HECW2: variants seen among roughly 807,000 people sequenced by gnomAD.
HECW2 encodes E3 ubiquitin-protein ligase HECW2.
In HECW2, 61 loss-of-function variants were observed where a neutral mutation model predicts 175.2. That is an observed-to-expected ratio of 0.35 (90% confidence interval 0.28 to 0.43). The LOEUF is 0.43. Ranked by LOEUF, HECW2 falls within the 20% of genes least tolerant of loss-of-function variation. HECW2 has a pLI of 1.00. For synonymous variants in HECW2, 671 were observed against 731.0 expected, an observed-to-expected ratio of 0.92 and a Z score of 1.32; for missense variants, 1,524 against 2,000.5, an observed-to-expected ratio of 0.76 and a Z score of 4.54.
At chr2:196,523,758 G>A (rs1356056171) in intron 1 of HECW2, among the ~76,000 whole-genome samples, 1 of 150,998 alleles carries the variant, frequency 6.6e-6, no homozygotes, top group Non-Finnish European at 1.5e-5. Flanking sequence ...CTTTGGCTCT[G>A]TTTATATGCT....
intron 18 of HECW2, among the ~76,000 whole-genome samples, chr2:196,255,147 A>T (rs1309038731): frequency 0.039 from 3,718 of 95,120 alleles, no homozygotes; most frequent in Middle Eastern, 0.067. Context: ...TAATTTTTCT[A>T]TTTTTTTTTT....
At chr2:196,373,714 T>C (rs1393000910) in intron 2 of HECW2, among the ~76,000 whole-genome samples, 4 of 151,724 alleles carry the variant, frequency 2.6e-5, no homozygotes, top group Non-Finnish European at 5.9e-5. Flanking sequence ...AAAGTAATGA[T>C]TATACATGAA....
At chr2:196,292,476 G>C in intron 14 of HECW2, 89 bp downstream of exon 14, 2 of 1,077,928 alleles carry the variant, frequency 1.9e-6, no homozygotes, top group Admixed American at 2.0e-5. Context: ...AAAGAGCCTT[G>C]GCCCTCACTT....
At chr2:196,568,465 T>C (rs1690257925) in intron 1 of HECW2, among the ~76,000 whole-genome samples, 1 of 152,224 alleles carries the variant, frequency 6.6e-6, no homozygotes, top group Non-Finnish European at 1.5e-5. Context: ...CCCTTACTTA[T>C]GATAGGTGAG....
At chr2:196,234,510 G>C (rs984772799) in intron 21 of HECW2, among the ~76,000 whole-genome samples, 1 of 151,978 alleles carries the variant, frequency 6.6e-6, no homozygotes, top group African/African-American at 2.4e-5. Flanking sequence ...GCCCAATCTA[G>C]TTTGGAACTC....
At chr2:196,535,102 C>G (rs559984289) in intron 1 of HECW2, among the ~76,000 whole-genome samples, 1 of 151,784 alleles carries the variant, frequency 6.6e-6, no homozygotes, top group South Asian at 2.1e-4. Flanking sequence ...AAAACGCTAG[C>G]CCCTAAAACT....
At chr2:196,209,268 A>G (rs961921744) in intron 28 of HECW2, among the ~76,000 whole-genome samples, 3 of 152,240 alleles carry the variant, frequency 2.0e-5, no homozygotes, top group Admixed American at 6.5e-5. Flanking sequence ...TCATTCCATT[A>G]AAGTCACAAA....
chr2:196,492,160 G>T (rs1264780047), intron 1 of HECW2, among the ~76,000 whole-genome samples: 2 of 152,086 alleles, frequency 1.3e-5, no homozygotes, highest in African/African-American at 2.4e-5. Context: ...GAAAAACAAA[G>T]GTTTATTTTT....
chr2:196,227,291 A>G (rs1274800965), intron 22 of HECW2, among the ~76,000 whole-genome samples: 2 of 136,638 alleles, frequency 1.5e-5, no homozygotes, highest in Non-Finnish European at 3.2e-5. Flanking sequence ...TGTTGCTGTC[A>G]GGGAAAATGA....
At chr2:196,521,031 G>A (rs1391454709) in intron 1 of HECW2, among the ~76,000 whole-genome samples, 1 of 152,140 alleles carries the variant, frequency 6.6e-6, no homozygotes, top group Non-Finnish European at 1.5e-5. Flanking sequence ...CAACACTAGG[G>A]TGGGTTCAGA....
At chr2:196,488,877 C>T (rs1264774880) in intron 1 of HECW2, among the ~76,000 whole-genome samples, 1 of 152,110 alleles carries the variant, frequency 6.6e-6, no homozygotes, top group Admixed American at 6.5e-5. Context: ...GAGCACAAAA[C>T]TCAGTGCCTA....
At chr2:196,406,502 TCTC>T (rs1023116237) in intron 2 of HECW2, among the ~76,000 whole-genome samples, 1 of 152,190 alleles carries the variant, frequency 6.6e-6, no homozygotes, top group Non-Finnish European at 1.5e-5. Context: ...TATAATCCAT[TCTC>T]CTCCAAAAGC....
rs141544442 is a variant in HECW2, at chr2:196,275,111, C to T, written c.3136-988G>A. Among the ~76,000 whole-genome samples, 524 of 152,242 alleles carry T rather than the reference C, an allele frequency of 3.4e-3. 5 individuals carry two copies. Among genetic ancestry groups the T allele is most frequent in the African/African-American group, 0.012 (487 of 41,560 alleles). On this transcript the variant is annotated intron_variant, in intron 15 of 28. Coordinates refer to ENST00000644978, the MANE Select transcript of HECW2 (RefSeq NM_001348768.2). ...TGGAAATATCCTCCCCACCCTCCAC[C>T]GCTTGCTTGTCCTTCAAGAATGCTC...
chr2:196,343,657 G>T lies in HECW2; in HGVS notation c.400C>A (p.Pro134Thr). 1 of 1,589,958 alleles carries T rather than the reference G, an allele frequency of 6.3e-7. No homozygotes were observed. The highest frequency in any genetic ancestry group is 8.6e-7 in the Non-Finnish European group (1 of 1,158,252). Residue 134 changes from proline to threonine, a missense_variant and splice_region_variant, in exon 3 of 29, where the codon CCG becomes ACG. This residue lies in a region of HECW2 where 135 missense variants were observed against 214.6 expected (regional missense o/e 0.63). Coordinates refer to ENST00000644978, the MANE Select transcript of HECW2 (RefSeq NM_001348768.2). ...TTATATTTCACACTTAGTTACTTAC[G>T]TTCCATGAAATAGGGCCCAGGCTCA... The part of the protein sequence containing the change: ...RIEPGPYFME[P>T]EIKICFKYYH...
chr2:196,332,164 G>T (rs1692389198), intron 4 of HECW2, among the ~76,000 whole-genome samples: 1 of 152,008 alleles, frequency 6.6e-6, no homozygotes, highest in African/African-American at 2.4e-5. Context: ...TGATTAGCAT[G>T]ACAGCTCATT....
intron 1 of HECW2, among the ~76,000 whole-genome samples, chr2:196,560,568 T>C (rs185115940): frequency 2.0e-5 from 3 of 152,340 alleles, no homozygotes; most frequent in African/African-American, 7.2e-5. Flanking sequence ...CTAAAAGATA[T>C]ATATTTTACC....
In HECW2 at chr2:196,384,405, A is replaced by AC. The variant is rs201421260; in HGVS notation, c.293-40642dup. ...AGACCAGCCTGCATAATATAGAAAG[A>AC]CCCCATCTCTACAAAAAAATTTAAA... On this transcript the variant is annotated intron_variant, in intron 2 of 28. Coordinates refer to ENST00000644978, the MANE Select transcript of HECW2 (RefSeq NM_001348768.2). Among the ~76,000 whole-genome samples, 963 of 151,924 alleles carry AC rather than the reference A, an allele frequency of 6.3e-3. 7 individuals are homozygous for AC. Among genetic ancestry groups the AC allele is most frequent in the African/African-American group, 0.021 (874 of 41,398 alleles).
chr2:196,216,511 T>C (rs1687479897), intron 27 of HECW2, among the ~76,000 whole-genome samples: 1 of 145,736 alleles, frequency 6.9e-6, no homozygotes, highest in South Asian at 2.2e-4. Context: ...TTGTCCTGGA[T>C]GACCATAAAC....
At chr2:196,400,698 C>T (rs751176862) in intron 2 of HECW2, among the ~76,000 whole-genome samples, 4 of 152,034 alleles carry the variant, frequency 2.6e-5, no homozygotes, top group Non-Finnish European at 4.4e-5. Flanking sequence ...TCATCTTGTT[C>T]CAGAAAGCAT....
Sources: allele counts gnomAD v4.1 joint callset (sites outside exome capture counted in the v4.1 genomes callset), GRCh38; gene constraint gnomAD v4.1.1; regional missense constraint gnomAD v4.1.1; transcripts MANE v1.5; gene names NCBI Gene and HGNC (gene_info 2026-07-23, HGNC 2026-07-21).